The following SNX24 variants were observed in gnomAD, a reference collection of about 807,000 sequenced individuals.
SNX24 encodes the protein sorting nexin-24.
In SNX24, 22 loss-of-function variants were observed where a neutral mutation model predicts 28.7. The observed-to-expected ratio is 0.77, with a 90% CI of 0.55 to 1.10. The LOEUF (loss-of-function observed/expected upper bound fraction) is 1.10. Among genes scored for constraint, SNX24 ranks in the 50% least tolerant of loss-of-function variants. The probability of loss-of-function intolerance (pLI) is 0.00; values close to 1 mark genes in which losing one functional copy is unlikely to be tolerated. For missense variants in SNX24, 221 were observed against 201.1 expected (o/e 1.10, Z -0.60); for synonymous variants, 69 against 71.5 (o/e 0.96, Z 0.18).
chr5:122,900,852 TATC>T (rs1449046218), intron 1 of SNX24, among the ~76,000 whole-genome samples: 1 of 152,180 alleles, frequency 6.6e-6, no homozygotes, highest in Non-Finnish European at 1.5e-5. Context: ...TTTATTCAGT[TATC>T]ATTATAAGTA....
intron 3 of SNX24, among the ~76,000 whole-genome samples, chr5:122,987,397 C>T (rs753189148): frequency 1.3e-5 from 2 of 152,094 alleles, no homozygotes; most frequent in African/African-American, 2.4e-5. Flanking sequence ...GCCCTCTAGG[C>T]GATTCTGATT....
chr5:123,001,366 T>A, intron 4 of SNX24, 39 bp from the exon 5 acceptor site: 1 of 1,394,522 alleles, frequency 7.2e-7, no homozygotes, highest in Non-Finnish European at 1.0e-6. Flanking sequence ...ACTCAACATA[T>A]GTGGTTTTTT....
chr5:122,946,528 G>T (rs1242938065), intron 3 of SNX24, among the ~76,000 whole-genome samples: 1 of 152,104 alleles, frequency 6.6e-6, no homozygotes, highest in East Asian at 1.9e-4. Context: ...TTGCGGGGCT[G>T]GTTGGGGTAG....
chr5:122,992,975 T>C (rs1761915435), intron 3 of SNX24, among the ~76,000 whole-genome samples: 1 of 152,188 alleles, frequency 6.6e-6, no homozygotes, highest in African/African-American at 2.4e-5. Context: ...TTTTTTTTTT[T>C]TTCAAATCTT....
chr5:122,953,411 A>T (rs1455350297), intron 3 of SNX24, among the ~76,000 whole-genome samples: 1 of 152,138 alleles, frequency 6.6e-6, no homozygotes, highest in Non-Finnish European at 1.5e-5. Context: ...AGCCATCAGC[A>T]TTTAAATAGG....
chr5:123,028,590 C>T (rs1055917611), intron 5 of SNX24: 24 of 470,680 alleles, frequency 5.1e-5, no homozygotes, highest in Admixed American at 2.3e-4. Context: ...AAAATAAGGA[C>T]GCCTCCCTCA....
At chr5:123,026,046 G>A (rs570496942) in intron 5 of SNX24, 195 of 1,260,540 alleles carry the variant, frequency 1.5e-4, no homozygotes, top group Middle Eastern at 9.3e-4. Context: ...AGGCCTTAGA[G>A]GAATCAATTA....
chr5:123,021,082 A>ATCCTCTCTGCCT (rs1192533178), intron 5 of SNX24, among the ~76,000 whole-genome samples: 2 of 149,228 alleles, frequency 1.3e-5, no homozygotes, highest in Non-Finnish European at 3.0e-5. Flanking sequence ...CACTGTTCCT[A>ATCCTCTCTGCCT]TCCTCTCTGC....
At chr5:123,027,884 C>T (rs891675755) in intron 5 of SNX24, among the ~76,000 whole-genome samples, 1 of 152,024 alleles carries the variant, frequency 6.6e-6, no homozygotes, top group African/African-American at 2.4e-5. Flanking sequence ...TAAGAGAAAA[C>T]AGTGTATGGA....
At chr5:122,846,367 A>G (rs1754636793) in intron 1 of SNX24, among the ~76,000 whole-genome samples, 1 of 152,050 alleles carries the variant, frequency 6.6e-6, no homozygotes, top group Non-Finnish European at 1.5e-5. Context: ...TACTAAGTGA[A>G]TTGTTGGTGG....
intron 1 of SNX24, among the ~76,000 whole-genome samples, chr5:122,922,854 C>G (rs1758499939): frequency 6.6e-6 from 1 of 151,892 alleles, no homozygotes; most frequent in Non-Finnish European, 1.5e-5. Flanking sequence ...GAGGACAGAA[C>G]TCTTTGTCAT....
chr5:122,988,259 T>C (rs1326411800), intron 3 of SNX24, among the ~76,000 whole-genome samples: 1 of 152,162 alleles, frequency 6.6e-6, no homozygotes, highest in Non-Finnish European at 1.5e-5. Context: ...GTCTGGCTCC[T>C]TAGTCGGGGG....
At chr5:122,980,787 G>A (rs1425983489) in intron 3 of SNX24, among the ~76,000 whole-genome samples, 1 of 151,464 alleles carries the variant, frequency 6.6e-6, no homozygotes, top group Non-Finnish European at 1.5e-5. Flanking sequence ...TTTCCAAGGT[G>A]GGAAAAGAGT....
intron 1 of SNX24, among the ~76,000 whole-genome samples, chr5:122,908,649 A>G (rs1174921978): frequency 6.6e-6 from 1 of 152,324 alleles, no homozygotes; most frequent in Non-Finnish European, 1.5e-5. Context: ...CATTTTTTCC[A>G]ACACCGACTG....
At chr5:122,904,106 C>T (rs183344078) in intron 1 of SNX24, among the ~76,000 whole-genome samples, 22 of 151,962 alleles carry the variant, frequency 1.4e-4, no homozygotes, top group African/African-American at 5.3e-4. Context: ...GTTTTAGCCC[C>T]TAGAGCAAGA....
chr5:122,957,979 A>G (rs965413329), intron 3 of SNX24, among the ~76,000 whole-genome samples: 1 of 152,124 alleles, frequency 6.6e-6, no homozygotes, highest in Non-Finnish European at 1.5e-5. Flanking sequence ...AACAAAGATA[A>G]TTTTACTTCT....
chr5:122,927,086 G>C (rs1758732121), intron 1 of SNX24, among the ~76,000 whole-genome samples: 1 of 152,232 alleles, frequency 6.6e-6, no homozygotes, highest in African/African-American at 2.4e-5. Context: ...GCCAGATAGT[G>C]TTTTAATGAT....
intron 5 of SNX24, among the ~76,000 whole-genome samples, chr5:123,021,986 G>A (rs1374291939): frequency 6.6e-6 from 1 of 152,104 alleles, no homozygotes; most frequent in African/African-American, 2.4e-5. Context: ...AGGGGCCCAA[G>A]AGGCCTTCCA....
At chr5:122,957,759 C>T (rs527532805) in intron 3 of SNX24, among the ~76,000 whole-genome samples, 1 of 152,208 alleles carries the variant, frequency 6.6e-6, no homozygotes, top group South Asian at 2.1e-4. Flanking sequence ...TAAGTTAATT[C>T]CTAAGTATTT....
Sources: allele counts gnomAD v4.1 joint callset (sites outside exome capture counted in the v4.1 genomes callset), GRCh38; gene constraint gnomAD v4.1.1; transcripts MANE v1.5; gene names NCBI Gene and HGNC (gene_info 2026-07-23, HGNC 2026-07-21).